UBE2V1: variants seen among roughly 807,000 people sequenced by gnomAD.
UBE2V1 encodes ubiquitin-conjugating enzyme E2 variant 1.
UBE2V1 carries 15 observed loss-of-function variants against 19.6 expected under a neutral mutation model. The observed-to-expected ratio is 0.77, with a 90% CI of 0.51 to 1.18. The LOEUF is 1.18. Among genes scored for constraint, UBE2V1 ranks in the 50% most tolerant of loss-of-function variants. The probability of loss-of-function intolerance (pLI) is 0.00; values close to 1 mark genes in which losing one functional copy is unlikely to be tolerated. For synonymous variants in UBE2V1, 60 were observed against 60.7 expected (o/e 0.99, Z 0.05); for missense variants, 125 against 184.8 (o/e 0.68, Z 1.88).
chr20:50,107,274 T>C (rs1350806162), intron 1 of UBE2V1, among the ~76,000 whole-genome samples: 2 of 152,202 alleles, frequency 1.3e-5, no homozygotes, highest in African/African-American at 4.8e-5. Flanking sequence ...AACTCCAAGG[T>C]TGGGCCTAAG....
Position 50,099,429 on chromosome 20 carries a change from T to G in UBE2V1, c.23-2609A>C, listed in dbSNP as rs189090935. 5.3e-5 allele frequency among the ~76,000 whole-genome samples: 8 copies of G among 152,246 alleles called. No individual in the cohort carries two copies. In the East Asian group the frequency reaches 1.5e-3, roughly 29 times the overall value. ...TGACATCTTAAGGAGCTTTATAGAGTTGGTAAGGATACAGAACAAGATGTT... is the reference window on the plus strand; with the variant it reads ...TGACATCTTAAGGAGCTTTATAGAGGTGGTAAGGATACAGAACAAGATGTT... On this transcript the variant is annotated intron_variant, in intron 1 of 3. Transcript: ENST00000371674.
At chr20:50,094,014 AATAAT>A in intron 2 of UBE2V1, among the ~76,000 whole-genome samples, 1 of 110,846 alleles carries the variant, frequency 9.0e-6, no homozygotes, top group Non-Finnish European at 1.8e-5. Flanking sequence ...AAAAAAAAAT[AATAAT>A]AATAATAATA....
chr20:50,084,390 G>T, intron 2 of UBE2V1, 136 bp from the exon 3 acceptor site: 3 of 1,531,636 alleles, frequency 2.0e-6, no homozygotes, highest in Non-Finnish European at 2.7e-6. Flanking sequence ...TTGTTCTGTG[G>T]TAGGTCAGCA....
chr20:50,105,114 T>G (rs1413815059), intron 1 of UBE2V1, among the ~76,000 whole-genome samples: 1 of 152,198 alleles, frequency 6.6e-6, no homozygotes, highest in African/African-American at 2.4e-5. Context: ...CCAAATCACA[T>G]AAGTCAAAGA....
At chr20:50,113,233 A>C (rs905843434), upstream of UBE2V1, 3 of 915,730 alleles carry the variant, frequency 3.3e-6, no homozygotes, top group East Asian at 1.1e-4. Flanking sequence ...GCCGCCGCTG[A>C]CGCCCGCCCC....
chr20:50,106,879 A>C (rs867177383), intron 1 of UBE2V1, among the ~76,000 whole-genome samples: 11,637 of 150,636 alleles, frequency 0.077, 551 homozygotes, highest in Middle Eastern at 0.11. Context: ...AACAACAAAA[A>C]AAAAAAAACA....
chr20:50,113,150 G>GGCCGGCCCCTTCTTC, upstream of UBE2V1: 1 of 1,334,096 alleles, frequency 7.5e-7, no homozygotes, highest in East Asian at 3.0e-5. Flanking sequence ...CTTGCTTGAA[G>GGCCGGCCCCTTCTTC]GCCGGCCCCT....
intron 1 of UBE2V1, among the ~76,000 whole-genome samples, chr20:50,100,282 AT>A (rs1373259433): frequency 6.0e-5 from 7 of 116,380 alleles, no homozygotes; most frequent in African/African-American, 3.2e-4. Flanking sequence ...ACCTGTCTCT[AT>A]TTAAAAAAAA....
chr20:50,098,100 T>A (rs1210887281), intron 1 of UBE2V1, among the ~76,000 whole-genome samples: 3 of 152,198 alleles, frequency 2.0e-5, no homozygotes, highest in Non-Finnish European at 4.4e-5. Flanking sequence ...GGAGGGGCTA[T>A]ACTTTTAAAT....
chr20:50,113,063 AGCCCAT>A, intron 1 of UBE2V1, 38 bp downstream of exon 1: 1 of 909,536 alleles, frequency 1.1e-6, no homozygotes, highest in Non-Finnish European at 1.5e-6. Context: ...CCCCGGCCCA[AGCCCAT>A]GCCCCCTCGG....
upstream of UBE2V1, chr20:50,115,344 C>G: frequency 7.4e-7 from 1 of 1,351,776 alleles, no homozygotes; most frequent in Non-Finnish European, 9.7e-7. Context: ...GCACTGGCTA[C>G]AGGTGAAGCA....
intron 1 of UBE2V1, among the ~76,000 whole-genome samples, chr20:50,109,507 T>C (rs904592222): frequency 9.9e-5 from 15 of 152,026 alleles, no homozygotes; most frequent in Non-Finnish European, 1.2e-4. Context: ...TCCCAGGACT[T>C]TGGGAGGCTG....
chr20:50,113,919 A>C (rs1225394141), upstream of UBE2V1, among the ~76,000 whole-genome samples: 1 of 152,178 alleles, frequency 6.6e-6, no homozygotes, highest in Non-Finnish European at 1.5e-5. Context: ...AGGGACTTAC[A>C]TTCTAGTCGT....
chr20:50,088,684 G>A (rs2079058175), intron 2 of UBE2V1, among the ~76,000 whole-genome samples: 1 of 151,608 alleles, frequency 6.6e-6, no homozygotes, highest in Non-Finnish European at 1.5e-5. Flanking sequence ...TACTTCGGAG[G>A]CTGAGGCAGG....
intron 1 of UBE2V1, among the ~76,000 whole-genome samples, chr20:50,099,564 A>G (rs2079852502): frequency 6.6e-6 from 1 of 152,206 alleles, no homozygotes. Flanking sequence ...AAAACCAATT[A>G]GGAACCATTT....
chr20:50,095,457 A>C (rs531138973), intron 2 of UBE2V1: 96 of 152,354 alleles, frequency 6.3e-4, no homozygotes, highest in African/African-American at 2.1e-3. Flanking sequence ...AAAACTCCAC[A>C]AAACTATAGG....
chr20:50,083,020 G>A, intron 3 of UBE2V1, 106 bp from the exon 4 acceptor site: 3 of 1,505,460 alleles, frequency 2.0e-6, no homozygotes, highest in Non-Finnish European at 2.7e-6. Context: ...TACTTTTTAA[G>A]CTGAACCTGC....
At chr20:50,098,251 C>G (rs1379999367) in intron 1 of UBE2V1, among the ~76,000 whole-genome samples, 2 of 152,156 alleles carry the variant, frequency 1.3e-5, no homozygotes, top group Non-Finnish European at 1.5e-5. Context: ...AAAATAGAGG[C>G]TGCTTAGGGT....
chr20:50,104,895 T>C (rs2080259710), intron 1 of UBE2V1, among the ~76,000 whole-genome samples: 1 of 151,864 alleles, frequency 6.6e-6, no homozygotes, highest in Non-Finnish European at 1.5e-5. Flanking sequence ...CCCAGTTAAT[T>C]CTCATATGTT....
Sources: gnomAD v4.1 joint callset for allele counts (sites outside exome capture counted in the v4.1 genomes callset) on GRCh38, gnomAD v4.1.1 for gene constraint, MANE v1.5 for transcripts, NCBI Gene and HGNC (gene_info 2026-07-23, HGNC 2026-07-21) for gene names.